The following PACRG variants were observed in gnomAD, a reference collection of about 807,000 sequenced individuals.
PACRG encodes the protein parkin coregulated.
A neutral mutation model predicts 29.7 loss-of-function variants in PACRG; 29 were observed. That is an observed-to-expected ratio of 0.98 (90% CI 0.73 to 1.33). The LOEUF is 1.33. Among genes scored for constraint, PACRG ranks in the 40% most tolerant of loss-of-function variants. PACRG has a pLI of 0.00. For synonymous variants in PACRG, 116 were observed against 118.7 expected (o/e 0.98, Z 0.15); for missense variants, 279 against 316.2 (o/e 0.88, Z 0.89).
At chr6:162,801,621 T>G (rs1429543693) in intron 1 of PACRG, among the ~76,000 whole-genome samples, 1 of 152,222 alleles carries the variant, frequency 6.6e-6, no homozygotes, top group Non-Finnish European at 1.5e-5. Flanking sequence ...TACTTTAGAC[T>G]AATTTAGATT....
intron 4 of PACRG, among the ~76,000 whole-genome samples, chr6:163,257,054 A>G (rs1030484378): frequency 6.6e-6 from 1 of 151,944 alleles, no homozygotes; most frequent in Non-Finnish European, 1.5e-5. Context: ...GTCTCTGCCT[A>G]TCTGTCTCTT....
At chr6:163,237,701 T>C (rs1782309381) in intron 4 of PACRG, among the ~76,000 whole-genome samples, 1 of 152,202 alleles carries the variant, frequency 6.6e-6, no homozygotes, top group South Asian at 2.1e-4. Flanking sequence ...TAAATTACAT[T>C]AGTGTAAGGT....
chr6:162,989,524 T>C (rs1398071856), intron 2 of PACRG, among the ~76,000 whole-genome samples: 1 of 152,208 alleles, frequency 6.6e-6, no homozygotes, highest in Non-Finnish European at 1.5e-5. Context: ...TTGAGATTAC[T>C]TATAATACCT....
At chr6:163,096,315 G>C (rs1814581557) in intron 4 of PACRG, among the ~76,000 whole-genome samples, 1 of 152,078 alleles carries the variant, frequency 6.6e-6, no homozygotes, top group Non-Finnish European at 1.5e-5. Context: ...TGGTTCACCT[G>C]GGCCTGTCCC....
intron 4 of PACRG, among the ~76,000 whole-genome samples, chr6:163,209,376 G>A (rs952427180): frequency 5.3e-5 from 8 of 152,202 alleles, no homozygotes; most frequent in Admixed American, 2.6e-4. Context: ...GGATGGGCAA[G>A]GTTGAAAGTA....
At chr6:162,842,848 A>T (rs1400253378) in intron 2 of PACRG, among the ~76,000 whole-genome samples, 3 of 105,300 alleles carry the variant, frequency 2.8e-5, no homozygotes, top group East Asian at 5.7e-4. Context: ...TTTCTCCTTC[A>T]CTTATGAAGC....
chr6:162,852,001 G>GGAAGGAAGGAAGGAAGGAAGGA (rs1554291923), intron 2 of PACRG, among the ~76,000 whole-genome samples: 5 of 100,062 alleles, frequency 5.0e-5, no homozygotes, highest in African/African-American at 1.8e-4. Context: ...GGGAGGGAGG[G>GGAAGGAAGGAAGGAAGGAAGGA]AGGGAGGAAG....
At chr6:163,101,559 G>C (rs1448377940) in intron 4 of PACRG, 1 of 351,824 alleles carries the variant, frequency 2.8e-6, no homozygotes, top group East Asian at 1.7e-4. Flanking sequence ...TATTCAAAGA[G>C]AATCAGTACC....
intron 4 of PACRG, among the ~76,000 whole-genome samples, chr6:163,093,830 C>A (rs576114035): frequency 8.5e-5 from 13 of 152,126 alleles, no homozygotes; most frequent in Non-Finnish European, 1.9e-4. Flanking sequence ...ATAAAAAGTT[C>A]ATTAAAGAGA....
At chr6:162,906,248 T>C (rs978618296) in intron 2 of PACRG, among the ~76,000 whole-genome samples, 15 of 152,244 alleles carry the variant, frequency 9.9e-5, no homozygotes, top group Admixed American at 5.9e-4. Flanking sequence ...ATAGGAAACA[T>C]GTAAATGTCA....
At chr6:162,976,671 T>C (rs1271659699) in intron 2 of PACRG, among the ~76,000 whole-genome samples, 1 of 152,236 alleles carries the variant, frequency 6.6e-6, no homozygotes, top group East Asian at 1.9e-4. Context: ...GTTTCATTTT[T>C]ATCGTTTAAC....
chr6:162,888,003 G>T (rs1224511977), intron 2 of PACRG, among the ~76,000 whole-genome samples: 1 of 152,188 alleles, frequency 6.6e-6, no homozygotes, highest in Non-Finnish European at 1.5e-5. Context: ...TCAGTGTGTG[G>T]TGAGGGCTAC....
At chr6:162,935,366 A>G (rs1366152364) in intron 2 of PACRG, among the ~76,000 whole-genome samples, 1 of 149,304 alleles carries the variant, frequency 6.7e-6, no homozygotes, top group Non-Finnish European at 1.5e-5. Flanking sequence ...CATGTGTCGG[A>G]TAGGCTCTCT....
At chr6:163,061,765 G>A (rs1301313603) in intron 2 of PACRG, among the ~76,000 whole-genome samples, 1 of 152,124 alleles carries the variant, frequency 6.6e-6, no homozygotes, top group Non-Finnish European at 1.5e-5. Context: ...TTTTTCAGCT[G>A]TTTTTATTTC....
intron 2 of PACRG, among the ~76,000 whole-genome samples, chr6:162,950,039 A>T (rs1799526832): frequency 2.0e-5 from 3 of 152,148 alleles, no homozygotes. Context: ...CATATTTTAC[A>T]CCTGTTTTTA....
At chr6:162,936,080 ACTT>A (rs1798214095) in intron 2 of PACRG, among the ~76,000 whole-genome samples, 1 of 152,206 alleles carries the variant, frequency 6.6e-6, no homozygotes, top group South Asian at 2.1e-4. Context: ...GGCAAAAGGC[ACTT>A]CTTACATGAC....
intron 3 of PACRG, among the ~76,000 whole-genome samples, chr6:163,073,750 T>C (rs1398709322): frequency 1.3e-5 from 2 of 152,050 alleles, no homozygotes; most frequent in Non-Finnish European, 2.9e-5. Flanking sequence ...AATCTAATAA[T>C]CCAATTTTAA....
At chr6:162,841,478 TTC>T (rs1034589950) in intron 2 of PACRG, among the ~76,000 whole-genome samples, 6 of 152,196 alleles carry the variant, frequency 3.9e-5, no homozygotes, top group Admixed American at 6.5e-5. Context: ...TATTAGATTT[TTC>T]TCTCTTTTTT....
chr6:162,981,819 A>T (rs1802457754), intron 2 of PACRG, among the ~76,000 whole-genome samples: 1 of 150,808 alleles, frequency 6.6e-6, no homozygotes, highest in Admixed American at 6.6e-5. Context: ...AAAGGGGTTG[A>T]GTTCTTAAGC....
Sources: gnomAD v4.1 joint callset for allele counts (sites outside exome capture counted in the v4.1 genomes callset) on GRCh38, gnomAD v4.1.1 for gene constraint, MANE v1.5 for transcripts, NCBI Gene and HGNC (gene_info 2026-07-23, HGNC 2026-07-21) for gene names.